The following LOXHD1 variants were observed in gnomAD, a reference collection of about 807,000 sequenced individuals.
LOXHD1 encodes the protein lipoxygenase homology PLAT domains 1.
In LOXHD1, 205 loss-of-function variants were observed where a neutral mutation model predicts 248.2. The observed-to-expected ratio is 0.83, with a 90% CI of 0.74 to 0.93. The LOEUF is 0.93. Among genes scored for constraint, LOXHD1 ranks in the 40% least tolerant of loss-of-function variants. LOXHD1 has a pLI of 0.00. For synonymous variants in LOXHD1, 1,113 were observed against 1,162.8 expected (o/e 0.96, Z 0.87); for missense variants, 2,930 against 2,971.6 (o/e 0.99, Z 0.33).
intron 17 of LOXHD1, 69 bp downstream of exon 17, chr18:46,566,188 C>G: frequency 5.1e-5 from 73 of 1,441,654 alleles, no homozygotes; most frequent in Non-Finnish European, 6.4e-5. Flanking sequence ...CCCATGGTCC[C>G]TCCTCCTTCC....
intron 8 of LOXHD1, among the ~76,000 whole-genome samples, chr18:46,596,662 A>G (rs2038261051): frequency 6.6e-6 from 1 of 152,226 alleles, no homozygotes; most frequent in Non-Finnish European, 1.5e-5. Context: ...AGAAATAGTT[A>G]CCATAAGCTT....
chr18:46,499,118 A>G (rs147590722), intron 37 of LOXHD1, among the ~76,000 whole-genome samples: 4 of 152,264 alleles, frequency 2.6e-5, no homozygotes, highest in Admixed American at 2.6e-4. Context: ...CAAAATTTCC[A>G]GTCTTGAGAG....
intron 27 of LOXHD1, 132 bp from the exon 28 acceptor site, chr18:46,533,456 G>A: frequency 1.1e-6 from 1 of 896,916 alleles, no homozygotes; most frequent in Non-Finnish European, 1.7e-6. Flanking sequence ...AAAAGCCACA[G>A]GAGAGCCCCT....
intron 5 of LOXHD1, among the ~76,000 whole-genome samples, chr18:46,614,365 T>G (rs1033882527): frequency 1.3e-5 from 2 of 152,116 alleles, no homozygotes. Context: ...GTGGCACATA[T>G]ACATCATGGA....
intron 26 of LOXHD1, among the ~76,000 whole-genome samples, chr18:46,537,052 G>C (rs1224920055): frequency 6.6e-6 from 1 of 152,100 alleles, no homozygotes; most frequent in Non-Finnish European, 1.5e-5. Context: ...TTCCACCTCT[G>C]AGCTGTTGGC....
rs535637788 is a variant in LOXHD1, at chr18:46,577,849, C to T, written c.1828G>A (p.Glu610Lys). 1.1e-4 allele frequency: 174 copies of T among 1,551,572 alleles called. 1 individual carries two copies. In the East Asian group the frequency reaches 3.8e-3, roughly 34 times the overall value. The change falls in exon 14 of 41, where the codon GAG (glutamate) becomes AAG (lysine). Residue 610 changes from glutamate to lysine, a missense_variant. By Grantham distance (56) the Glu-to-Lys change is moderately conservative. Transcript: ENST00000642948. The stretch of plus-strand genomic sequence containing the variant: ...CTCACATTCCGCATGGTGACAGACT[C>T]GATAGTGAACTCGTCAGCCTTGTGG... ...EKGNADEFTI[E>K]SVTMRNVRRV...
At position 46,601,595 on chromosome 18, in the gene LOXHD1, A is replaced by G. The variant is rs1283641226; in HGVS notation, c.884-128T>C. ...CCTCCACACATCCTCTTTCCCCATCATGTCCTACTCCTCCAGATGCCACCT... is the reference window on the plus strand; with the variant it reads ...CCTCCACACATCCTCTTTCCCCATCGTGTCCTACTCCTCCAGATGCCACCT... On this transcript the variant is annotated intron_variant, in intron 7 of 40. Coordinates refer to ENST00000642948, the MANE Select transcript of LOXHD1 (RefSeq NM_001384474.1). 1.4e-5 allele frequency: 18 copies of G among 1,278,656 alleles called. No individual in the cohort carries two copies. The African/African-American group carries it at 2.1e-4, about 15-fold the overall frequency. The allele number at this position is 1,278,656 out of a possible 1,614,324, so 79.2% of individuals were successfully genotyped here.
At chr18:46,548,459 G>A (rs1239387610) in intron 21 of LOXHD1, among the ~76,000 whole-genome samples, 2 of 152,158 alleles carry the variant, frequency 1.3e-5, no homozygotes, top group African/African-American at 4.8e-5. Context: ...TGCTGAGGGG[G>A]GCAACGTTAC....
intron 20 of LOXHD1, chr18:46,559,231 C>T: frequency 6.7e-7 from 1 of 1,503,000 alleles, no homozygotes; most frequent in Non-Finnish European, 8.9e-7. Flanking sequence ...GTCAGCTGGC[C>T]CATGGGCTCT....
In LOXHD1 at chr18:46,657,000, C is replaced by G; in HGVS notation, c.34G>C (p.Asp12His). Residue 12 changes from aspartate (D) to histidine (H), a missense_variant, in exon 1 of 41, where the codon GAC becomes CAC. Physicochemically the swap from Asp to His is moderately conservative, Grantham distance 81 (BLOSUM62 -1). Coordinates refer to ENST00000642948, the MANE Select transcript of LOXHD1 (RefSeq NM_001384474.1). Reference sequence around the variant, plus strand: ...TCGTACAGGGCCAGGAAGTCGATGTCCTTCTTCCTCCGCCTTTTCTTCTGG... The same window carrying G: ...TCGTACAGGGCCAGGAAGTCGATGTGCTTCTTCCTCCGCCTTTTCTTCTGG... ...MPQKKRRRKK[D>H]IDFLALYEAE... 3 of 1,551,642 alleles carry G rather than the reference C, an allele frequency of 1.9e-6. No homozygotes were observed. Among genetic ancestry groups the G allele is most frequent in the Non-Finnish European group, 2.6e-6 (3 of 1,146,938 alleles).
At chr18:46,522,032 A>ACTCT in intron 32 of LOXHD1, 69 bp downstream of exon 32, 1 of 946,434 alleles carries the variant, frequency 1.1e-6, no homozygotes, top group Non-Finnish European at 1.5e-6. Flanking sequence ...TCTCCCGCCC[A>ACTCT]CCCAGGAACT....
intron 21 of LOXHD1, chr18:46,555,107 T>C (rs2037266429): frequency 2.1e-6 from 1 of 470,786 alleles, no homozygotes; most frequent in Admixed American, 2.4e-5. Flanking sequence ...GCCAAATCAG[T>C]GGCAGAGAAT....
chr18:46,524,475 C>T lies in LOXHD1; in HGVS notation c.4867G>A (p.Glu1623Lys). The T allele has an allele frequency of 6.4e-7, 1 of 1,551,390 alleles. No homozygotes were observed. Among genetic ancestry groups the T allele is most frequent in the Non-Finnish European group, 8.7e-7 (1 of 1,146,716 alleles). The change falls in exon 31 of 41, where the codon GAG becomes AAG. Residue 1623 changes from glutamate (E) to lysine (K), a missense_variant. Coordinates refer to ENST00000642948, the MANE Select transcript of LOXHD1 (RefSeq NM_001384474.1). ...TCCCTGGTTGGCTTACTTGGGCCCT[C>T]TTGAACGTAGTCAGCCATGGGCCCG... ...VTGPMADYVQ[E>K]GPIIPYYVSV...
Position 46,542,680 on chromosome 18 carries a change from A to G in LOXHD1, c.3748+47T>C, listed in dbSNP as rs541979521. On this transcript the variant is annotated intron_variant, in intron 24 of 40. Coordinates refer to ENST00000642948, the MANE Select transcript of LOXHD1 (RefSeq NM_001384474.1). The stretch of plus-strand genomic sequence containing the variant: ...CCCAGATGCCCACAAGGACCTGTCC[A>G]TGGTCCTTAAAGTCTTAGCAAGGAA... The G allele has an allele frequency of 3.2e-6, 5 of 1,546,562 alleles. No individual in the cohort carries two copies. The African/African-American group carries it at 5.5e-5, about 17-fold the overall frequency.
rs199595156 is a variant in LOXHD1 at position 46,569,463 on chromosome 18, G to A, written c.2223C>T (p.Leu741=). ...TTACATTTCCAATGTTCAGGGTCTCGAGGGTGAACTCATCCACCCGGCCAC... is the reference window on the plus strand; with the variant it reads ...TTACATTTCCAATGTTCAGGGTCTCAAGGGTGAACTCATCCACCCGGCCAC... ...FERGRVDEFT[L]ETLNIGNINR... The change falls in exon 16 of 41, where the codon CTC becomes CTT. Residue 741 remains leucine (L), a synonymous_variant. Coordinates refer to ENST00000642948, the MANE Select transcript of LOXHD1 (RefSeq NM_001384474.1). 483 of 1,551,962 alleles carry A rather than the reference G, an allele frequency of 3.1e-4. No homozygotes were observed. The highest frequency in any genetic ancestry group is 1.8e-3 in the Middle Eastern group (11 of 6,012).
In LOXHD1 at chr18:46,601,427, C is replaced by G. The variant is rs531608239; in HGVS notation, c.924G>C (p.Arg308=). ...AGATTTTGGATTTGGTACCAGCCCC[C>G]CGGACATCCCCAGTGAAGACGGTGA... ...YIVTVFTGDV[R]GAGTKSKIYL... is the part of the protein sequence containing the mutation. The change falls in exon 8 of 41, where the codon CGG becomes CGC. Residue 308 remains arginine (R), a synonymous_variant. Transcript: ENST00000642948. The G allele has an allele frequency of 1.3e-6, 2 of 1,551,722 alleles. No homozygotes were observed. Among genetic ancestry groups the G allele is most frequent in the East Asian group, 2.4e-5 (1 of 40,928 alleles).
intron 7 of LOXHD1, among the ~76,000 whole-genome samples, chr18:46,601,942 C>G (rs971984371): frequency 2.6e-5 from 4 of 152,126 alleles, no homozygotes; most frequent in South Asian, 2.1e-4. Context: ...AAAAACATAA[C>G]TTTTAATAGA....
chr18:46,517,796 T>G (rs2035338189), intron 34 of LOXHD1, among the ~76,000 whole-genome samples: 1 of 152,174 alleles, frequency 6.6e-6, no homozygotes, highest in East Asian at 1.9e-4. Context: ...ACATCTTATA[T>G]TGCCATAGTA....
chr18:46,614,797 C>T (rs2038561976), intron 5 of LOXHD1, among the ~76,000 whole-genome samples: 1 of 151,732 alleles, frequency 6.6e-6, no homozygotes, highest in Non-Finnish European at 1.5e-5. Context: ...ATTTCTTTCT[C>T]TTAATTTATC....
Sources: gnomAD v4.1 joint callset for allele counts (sites outside exome capture counted in the v4.1 genomes callset) on GRCh38, gnomAD v4.1.1 for gene constraint, MANE v1.5 for transcripts, NCBI Gene and HGNC (gene_info 2026-07-23, HGNC 2026-07-21) for gene names.